EPC2: variants seen among roughly 807,000 people sequenced by gnomAD.
EPC2 encodes the protein enhancer of polycomb homolog 2.
Under a neutral mutation model 92.1 loss-of-function variants are expected in EPC2, and 14 were observed. The observed-to-expected ratio is 0.15, with a 90% CI of 0.10 to 0.24. EPC2 has a LOEUF of 0.24. Ranked by LOEUF, EPC2 falls within the 10% of genes least tolerant of loss-of-function variation. EPC2 has a pLI of 1.00. For synonymous variants in EPC2, 340 were observed against 334.7 expected (o/e 1.02, Z -0.17); for missense variants, 755 against 971.5 (o/e 0.78, Z 2.96).
intron 1 of EPC2, chr2:148,645,407 G>A: frequency 2.2e-6 from 1 of 451,696 alleles, no homozygotes. Context: ...TGCTTACGCT[G>A]CCGTAAGGGG....
chr2:148,696,652 G>T lies in EPC2; in HGVS notation c.313+6279G>T, dbSNP rs115540423. ...CAAGCATTTTGAACCCTCCTATGGG[G>T]CCTCCCAAAGAAGATACCCTGAGGT... On this transcript the variant is annotated intron_variant, in intron 2 of 13. Coordinates refer to ENST00000258484, the MANE Select transcript of EPC2 (RefSeq NM_015630.4). Among the ~76,000 whole-genome samples, 1,091 of 152,278 alleles carry T rather than the reference G, an allele frequency of 7.2e-3. 6 individuals carry two copies. Among genetic ancestry groups the T allele is most frequent in the African/African-American group, 0.025 (1,026 of 41,560 alleles).
At chr2:148,772,923 T>C (rs1446583867) in intron 10 of EPC2, among the ~76,000 whole-genome samples, 1 of 151,998 alleles carries the variant, frequency 6.6e-6, no homozygotes, top group Non-Finnish European at 1.5e-5. Flanking sequence ...AAAAAGAGAG[T>C]TTAAAACATA....
chr2:148,688,294 G>A (rs1681569972), intron 1 of EPC2, among the ~76,000 whole-genome samples: 1 of 152,042 alleles, frequency 6.6e-6, no homozygotes, highest in Admixed American at 6.6e-5. Context: ...ATCATTCTCA[G>A]CAAACTATTG....
Position 148,686,129 on chromosome 2 carries a change from A to G in EPC2, c.154-4085A>G, listed in dbSNP as rs892648027. ...TTTACTCACAGTAGAACTTTTTTCA[A>G]AATTGCATTCTCAAACCCTGCTCCT... On this transcript the variant is annotated intron_variant, in intron 1 of 13. Transcript: ENST00000258484. Among the ~76,000 whole-genome samples, 3 of 152,218 alleles carry G rather than the reference A, an allele frequency of 2.0e-5. No homozygotes were observed. In the South Asian group the frequency reaches 6.2e-4, roughly 31 times the overall value.
intron 2 of EPC2, among the ~76,000 whole-genome samples, chr2:148,731,341 C>T (rs1192850794): frequency 6.6e-6 from 1 of 152,106 alleles, no homozygotes; most frequent in Non-Finnish European, 1.5e-5. Flanking sequence ...GTGTTTCTGT[C>T]TTATTTAGTT....
chr2:148,725,669 T>C (rs1682480239), intron 2 of EPC2, among the ~76,000 whole-genome samples: 1 of 152,156 alleles, frequency 6.6e-6, no homozygotes, highest in African/African-American at 2.4e-5. Flanking sequence ...TTCAGTCTAC[T>C]GCTGAGTCTT....
chr2:148,756,564 C>T (rs576632211), intron 4 of EPC2, among the ~76,000 whole-genome samples: 5 of 152,244 alleles, frequency 3.3e-5, no homozygotes, highest in Non-Finnish European at 7.4e-5. Flanking sequence ...AATTTTAAGT[C>T]GCTGAACTAA....
At chr2:148,704,536 T>A (rs927710775) in intron 2 of EPC2, among the ~76,000 whole-genome samples, 10 of 152,074 alleles carry the variant, frequency 6.6e-5, no homozygotes, top group Admixed American at 2.6e-4. Flanking sequence ...TTCAACACAA[T>A]AAAAAATGAA....
chr2:148,724,732 G>C (rs891951817), intron 2 of EPC2, among the ~76,000 whole-genome samples: 1 of 151,976 alleles, frequency 6.6e-6, no homozygotes, highest in Non-Finnish European at 1.5e-5. Flanking sequence ...CCACTTTTTT[G>C]GGAGATGTTT....
At position 148,657,487 on chromosome 2, in the gene EPC2, C is replaced by T. The variant is rs145220799; in HGVS notation, c.153+12317C>T. On this transcript the variant is annotated intron_variant, in intron 1 of 13. Coordinates refer to ENST00000258484, the MANE Select transcript of EPC2 (RefSeq NM_015630.4). ...AAAACAGAGATCAGTGGGTCTTATT[C>T]CTCTTAGTGTCTGATTAAGTCTAGA... 4.8e-3 allele frequency among the ~76,000 whole-genome samples: 735 copies of T among 152,156 alleles called. 6 individuals are homozygous for T. Among genetic ancestry groups the T allele is most frequent in the African/African-American group, 0.017 (685 of 41,512 alleles).
chr2:148,661,683 A>G (rs1346578044), intron 1 of EPC2, among the ~76,000 whole-genome samples: 1 of 146,320 alleles, frequency 6.8e-6, no homozygotes, highest in African/African-American at 2.5e-5. Context: ...ATAATAGCAT[A>G]TAATACATAT....
chr2:148,740,165 T>C (rs1016421788), intron 2 of EPC2, among the ~76,000 whole-genome samples: 4 of 151,834 alleles, frequency 2.6e-5, no homozygotes, highest in African/African-American at 7.2e-5. Context: ...TTTAAAAGAA[T>C]CTCTTCTTAT....
chr2:148,777,889 G>T (rs935224455), intron 10 of EPC2, among the ~76,000 whole-genome samples: 4 of 152,144 alleles, frequency 2.6e-5, no homozygotes, highest in Non-Finnish European at 5.9e-5. Context: ...GAAAGGTGAG[G>T]GGCTTTCGTG....
chr2:148,774,049 CAG>C (rs1264770016), intron 10 of EPC2, among the ~76,000 whole-genome samples: 4 of 152,182 alleles, frequency 2.6e-5, no homozygotes, highest in Non-Finnish European at 5.9e-5. Flanking sequence ...AAGACTAACA[CAG>C]GATTATACTT....
At chr2:148,756,270 T>G (rs886327976) in intron 4 of EPC2, among the ~76,000 whole-genome samples, 20 of 152,204 alleles carry the variant, frequency 1.3e-4, no homozygotes, top group Non-Finnish European at 2.9e-5. Flanking sequence ...TCTTTACTTT[T>G]TATTCCTTTC....
chr2:148,731,773 C>T (rs1682636920), intron 2 of EPC2, among the ~76,000 whole-genome samples: 1 of 152,210 alleles, frequency 6.6e-6, no homozygotes, highest in African/African-American at 2.4e-5. Flanking sequence ...CATTAAAAAA[C>T]ACCACCATTG....
intron 2 of EPC2, among the ~76,000 whole-genome samples, chr2:148,720,459 T>C (rs1574603579): frequency 6.6e-6 from 1 of 152,088 alleles, no homozygotes; most frequent in African/African-American, 2.4e-5. Context: ...TTCCAACCCC[T>C]CTCGGGGGGT....
At chr2:148,780,980 T>G (rs1057059401) in intron 10 of EPC2, among the ~76,000 whole-genome samples, 5 of 152,200 alleles carry the variant, frequency 3.3e-5, no homozygotes, top group Admixed American at 1.3e-4. Flanking sequence ...TGAAACACAC[T>G]TTTAACACAG....
chr2:148,734,157 A>G (rs1290164525), intron 2 of EPC2, among the ~76,000 whole-genome samples: 3 of 152,138 alleles, frequency 2.0e-5, no homozygotes, highest in African/African-American at 7.2e-5. Flanking sequence ...TTATTCCTAC[A>G]TGTAACCATG....
Sources: allele counts gnomAD v4.1 joint callset (sites outside exome capture counted in the v4.1 genomes callset), GRCh38; gene constraint gnomAD v4.1.1; transcripts MANE v1.5; gene names NCBI Gene and HGNC (gene_info 2026-07-23, HGNC 2026-07-21).